The following MORN1 variants were observed in gnomAD, a reference collection of about 807,000 sequenced individuals.
MORN1 encodes the protein MORN repeat containing 1.
MORN1 carries 67 observed loss-of-function variants against 61.9 expected under a neutral mutation model. The ratio of observed to expected loss-of-function variants is 1.08; its 90% confidence interval spans 0.89 to 1.33. The LOEUF is 1.33. MORN1 is among the 40% of genes most tolerant of loss of function. MORN1 has a pLI of 0.00. For missense variants in MORN1, 752 were observed against 691.2 expected (o/e 1.09, Z -0.99); for synonymous variants, 301 against 292.0 (o/e 1.03, Z -0.31).
At chr1:2,385,197 C>T in intron 5 of MORN1, 132 bp from the exon 6 acceptor site, 1 of 884,398 alleles carries the variant, frequency 1.1e-6, no homozygotes, top group Non-Finnish European at 1.7e-6. Flanking sequence ...AGCAGATGGC[C>T]CCAAGAGCTC....
At chr1:2,359,778 G>A (rs2100310094) in intron 8 of MORN1, among the ~76,000 whole-genome samples, 1 of 152,176 alleles carries the variant, frequency 6.6e-6, no homozygotes, top group South Asian at 2.1e-4. Context: ...CAGCTCCTTG[G>A]AGGTTGAGGC....
chr1:2,390,085 G>C (rs1217714925), intron 1 of MORN1, 89 bp from the exon 2 acceptor site: 1 of 1,250,324 alleles, frequency 8.0e-7, no homozygotes, highest in African/African-American at 1.5e-5. Flanking sequence ...CAGCTCCCTT[G>C]AGGGCCTTCA....
chr1:2,340,072 C>CTG (rs1641361382), intron 10 of MORN1, among the ~76,000 whole-genome samples: 1 of 152,238 alleles, frequency 6.6e-6, no homozygotes, highest in South Asian at 2.1e-4. Context: ...CCTGAGCCCC[C>CTG]ACTTGTCCCC....
rs190867453 is a variant in MORN1, at chr1:2,364,905, G to A, written c.746-6190C>T. Among the ~76,000 whole-genome samples the A allele has an allele frequency of 8.7e-4, 132 of 152,248 alleles. 1 individual carries two copies. In the East Asian group the frequency reaches 0.023, roughly 27 times the overall value. On this transcript the variant is annotated intron_variant, in intron 8 of 13. Transcript: ENST00000378531. ...GCGTTATTTCTGAGGGCTCTGCTCT[G>A]TTCCATTGATCTATATTTCTGTTTT...
intron 12 of MORN1, chr1:2,326,287 G>A (rs966820369): frequency 1.3e-5 from 2 of 152,246 alleles, no homozygotes; most frequent in African/African-American, 2.4e-5. Flanking sequence ...ACACAGGAGT[G>A]CGGGCGAGTT....
chr1:2,351,952 C>T (rs1165618362), intron 10 of MORN1: 1 of 520,632 alleles, frequency 1.9e-6, no homozygotes, highest in Non-Finnish European at 3.7e-6. Flanking sequence ...ATTGGGCTTC[C>T]CTCTGCTCGA....
At chr1:2,383,713 G>A (rs570856488) in intron 6 of MORN1, among the ~76,000 whole-genome samples, 3 of 138,276 alleles carry the variant, frequency 2.2e-5, no homozygotes, top group Non-Finnish European at 3.3e-5. Context: ...GCTGCTGGAC[G>A]CTCAGGGGGC....
Position 2,380,366 on chromosome 1 carries a change from G to A in MORN1, c.537+4612C>T, listed in dbSNP as rs143199989. Among the ~76,000 whole-genome samples, 1,156 of 152,336 alleles carry A rather than the reference G, an allele frequency of 7.6e-3. 9 individuals carry two copies. The highest frequency in any genetic ancestry group is 0.013 in the Non-Finnish European group (860 of 68,030). ...CGCTTAAAAGTGGTCACGGCCCAGC[G>A]CAGCGGCTCACGCCTGAAATCCCAG... On this transcript the variant is annotated intron_variant, in intron 6 of 13. Transcript: ENST00000378531.
At chr1:2,371,509 A>C (rs1480543614) in intron 8 of MORN1, 1 of 152,298 alleles carries the variant, frequency 6.6e-6, no homozygotes, top group African/African-American at 2.4e-5. Flanking sequence ...TATTACAAAA[A>C]GACACAATTC....
Position 2,335,828 on chromosome 1 carries a change from T to TAGCCCAGCCCAGCCC in MORN1, c.1250+626_1250+640dup, listed in dbSNP as rs58763089. Among the ~76,000 whole-genome samples the TAGCCCAGCCCAGCCC allele has an allele frequency of 1.8e-3, 262 of 143,106 alleles. 14 individuals are homozygous for TAGCCCAGCCCAGCCC. Among genetic ancestry groups the TAGCCCAGCCCAGCCC allele is most frequent in the African/African-American group, 7.7e-3 (252 of 32,922 alleles). 93.9% of individuals were successfully genotyped at this position (143,106 alleles called of 152,430 possible). On this transcript the variant is annotated intron_variant, in intron 12 of 13. Coordinates refer to ENST00000378531, the MANE Select transcript of MORN1 (RefSeq NM_024848.3). Reference sequence around the variant, plus strand: ...ATCAGCGGGGGCCTCCTCGCCTCCATAGCCCAGCCCAGCCCAGCGCGCAGC... The same window carrying TAGCCCAGCCCAGCCC: ...ATCAGCGGGGGCCTCCTCGCCTCCATAGCCCAGCCCAGCCCAGCCCAGCCCAGCCCAGCGCGCAGC...
chr1:2,340,149 C>T (rs961112988), intron 10 of MORN1, among the ~76,000 whole-genome samples: 4 of 152,016 alleles, frequency 2.6e-5, no homozygotes, highest in Admixed American at 6.5e-5. Flanking sequence ...CTGGGCCCTC[C>T]GGGAGACCTC....
intron 13 of MORN1, chr1:2,323,546 GGGGGTGCCA>G (rs1258521424): frequency 2.0e-6 from 2 of 985,360 alleles, no homozygotes; most frequent in Non-Finnish European, 2.4e-6. Context: ...GGCTTGGTGG[GGGGGTGCCA>G]GGCCCAGGCT....
At position 2,372,860 on chromosome 1, in the gene MORN1, A is replaced by G. The variant is rs1282092188; in HGVS notation, c.635-269T>C. 1.3e-5 allele frequency among the ~76,000 whole-genome samples: 2 copies of G among 152,222 alleles called. No homozygotes were observed. Among genetic ancestry groups the G allele is most frequent in the Non-Finnish European group, 2.9e-5 (2 of 68,030 alleles). ...GGACCACCGGGGCCACGGAGCATGCAAGAGACACAAGTGGGCGGTGTGGGG... is the reference window on the plus strand; with the variant it reads ...GGACCACCGGGGCCACGGAGCATGCGAGAGACACAAGTGGGCGGTGTGGGG... On this transcript the variant is annotated intron_variant, in intron 7 of 13. Coordinates refer to ENST00000378531, the MANE Select transcript of MORN1 (RefSeq NM_024848.3). The surrounding 1 kb of genome is among the most constrained non-coding windows in gnomAD (Gnocchi z 5.4).
At chr1:2,321,729 T>A in intron 13 of MORN1, 150 bp from the exon 14 acceptor site, 3 of 1,133,246 alleles carry the variant, frequency 2.6e-6, no homozygotes, top group Non-Finnish European at 3.6e-6. Flanking sequence ...CTTGGCACTG[T>A]AACCACAGGA....
intron 10 of MORN1, among the ~76,000 whole-genome samples, chr1:2,338,129 G>C (rs1641319646): frequency 6.6e-6 from 1 of 152,202 alleles, no homozygotes; most frequent in Non-Finnish European, 1.5e-5. Flanking sequence ...TGGGGCTGGA[G>C]GCATTAATGT....
intron 8 of MORN1, chr1:2,363,445 C>A (rs1237035306): frequency 2.6e-5 from 4 of 151,970 alleles, no homozygotes; most frequent in African/African-American, 9.7e-5. Flanking sequence ...AATAACAAAA[C>A]AAAGAGTTAT....
intron 12 of MORN1, among the ~76,000 whole-genome samples, chr1:2,331,102 G>A (rs573549655): frequency 5.9e-5 from 9 of 152,306 alleles, no homozygotes; most frequent in East Asian, 5.8e-4. Flanking sequence ...TGTGTCTACC[G>A]CCCACTACAG....
rs550604079 is a variant in MORN1, at chr1:2,391,548, T to G, written c.-15A>C. The G allele has an allele frequency of 2.4e-6, 3 of 1,246,368 alleles. No individual in the cohort carries two copies. The South Asian group carries it at 1.1e-4, about 47-fold the overall frequency. The allele number at this position is 1,246,368 out of a possible 1,614,324, so 77.2% of individuals were successfully genotyped here. ...GCCGCTGCCATCTTGCCGCCGAGGG[T>G]TCTCTTAGCGACCAGCAACGCCCGC... On this transcript the variant is annotated 5_prime_UTR_variant, in exon 1 of 14. Coordinates refer to ENST00000378531, the MANE Select transcript of MORN1 (RefSeq NM_024848.3).
Position 2,374,472 on chromosome 1 carries a change from C to T in MORN1, c.623G>A (p.Gly208Asp), listed in dbSNP as rs762737739. Reference protein sequence around the residue: ...GVTYYGLWINGHPAEQATRIV... With the variant: ...GVTYYGLWINDHPAEQATRIV... Reference sequence around the variant, plus strand: ...GCAGGGACACCTACCTGCTGGGTGGCCATTGATCCACAACCCATAATAGGT... The same window carrying T: ...GCAGGGACACCTACCTGCTGGGTGGTCATTGATCCACAACCCATAATAGGT... Residue 208 changes from glycine (G) to aspartate (D), a missense_variant, in exon 7 of 14, where the codon GGC becomes GAC. Transcript: ENST00000378531. 2 of 1,595,328 alleles carry T rather than the reference C, an allele frequency of 1.3e-6. No individual in the cohort carries two copies. The highest frequency in any genetic ancestry group is 1.7e-6 in the Non-Finnish European group (2 of 1,171,670).
Sources: allele counts gnomAD v4.1 joint callset (sites outside exome capture counted in the v4.1 genomes callset), GRCh38; gene constraint gnomAD v4.1.1; non-coding constraint Gnocchi (gnomAD v3.1); transcripts MANE v1.5; gene names NCBI Gene and HGNC (gene_info 2026-07-23, HGNC 2026-07-21).